The following ZNF708 variants were observed in gnomAD, a reference collection of about 807,000 sequenced individuals.
ZNF708 encodes the protein ZNF15, ZNF15L1.
ZNF708 carries 44 observed loss-of-function variants against 47.0 expected under a neutral mutation model. That is an observed-to-expected ratio of 0.94 (90% CI 0.74 to 1.20). The LOEUF (loss-of-function observed/expected upper bound fraction) is 1.20, where lower values mean the gene tolerates loss of function less well. Among genes scored for constraint, ZNF708 ranks in the 50% most tolerant of loss-of-function variants. The probability of loss-of-function intolerance (pLI) is 0.00; values close to 1 mark genes in which losing one functional copy is unlikely to be tolerated. For synonymous variants in ZNF708, 184 were observed against 218.5 expected (o/e 0.84, Z 1.39); for missense variants, 557 against 656.0 (o/e 0.85, Z 1.65).
intron 1 of ZNF708, 142 bp downstream of exon 1, chr19:21,329,068 G>T: frequency 7.8e-7 from 1 of 1,287,694 alleles, no homozygotes; most frequent in Non-Finnish European, 1.1e-6. Flanking sequence ...GGCTGAAGGG[G>T]ACTGAGGCCG....
At chr19:21,323,076 C>T (rs1973184682) in intron 1 of ZNF708, among the ~76,000 whole-genome samples, 1 of 151,920 alleles carries the variant, frequency 6.6e-6, no homozygotes, top group South Asian at 2.1e-4. Flanking sequence ...AAATGGCAGA[C>T]ATGTATAGAA....
intron 1 of ZNF708, among the ~76,000 whole-genome samples, chr19:21,323,202 C>G (rs1973187217): frequency 6.6e-6 from 1 of 152,188 alleles, no homozygotes; most frequent in Non-Finnish European, 1.5e-5. Context: ...AAACACCCTT[C>G]CCATTATGAC....
chr19:21,300,984 C>T (rs1363434097), intron 3 of ZNF708, among the ~76,000 whole-genome samples: 1 of 151,760 alleles, frequency 6.6e-6, no homozygotes, highest in Non-Finnish European at 1.5e-5. Flanking sequence ...ATAATACAAA[C>T]TCAAATATCA....
Position 21,329,303 on chromosome 19 carries a change from A to G in ZNF708, c.-91T>C, listed in dbSNP as rs907295363. 1.0e-4 allele frequency: 164 copies of G among 1,578,144 alleles called. No homozygotes were observed. The highest frequency in any genetic ancestry group is 1.3e-4 in the Non-Finnish European group (150 of 1,151,862). On this transcript the variant is annotated 5_prime_UTR_variant, in exon 1 of 4. Coordinates refer to ENST00000356929, the MANE Select transcript of ZNF708 (RefSeq NM_021269.3). Reference sequence around the variant, plus strand: ...CCACAGAGTCTGGGCCTCTAGGAGCAGAGGACAAACAGCAGTGAAGACGAG... The same window carrying G: ...CCACAGAGTCTGGGCCTCTAGGAGCGGAGGACAAACAGCAGTGAAGACGAG...
intron 3 of ZNF708, among the ~76,000 whole-genome samples, chr19:21,302,446 C>A (rs1454378633): frequency 6.6e-6 from 1 of 151,938 alleles, no homozygotes. Context: ...ATCTGTAATC[C>A]CAGTACTTTG....
At chr19:21,318,626 A>T (rs1020614625) in intron 1 of ZNF708, 4 of 152,200 alleles carry the variant, frequency 2.6e-5, no homozygotes, top group African/African-American at 4.8e-5. Context: ...GAATTTTATA[A>T]GGTTTCTCTT....
chr19:21,314,403 A>C (rs1013612346), intron 1 of ZNF708, among the ~76,000 whole-genome samples: 1 of 150,760 alleles, frequency 6.6e-6, no homozygotes, highest in Non-Finnish European at 1.5e-5. Flanking sequence ...ATTATTAGCA[A>C]GATAAAAGAA....
At position 21,309,341 on chromosome 19, in the gene ZNF708, C is replaced by A; in HGVS notation, c.131G>T (p.Gly44Val). ...CAGGTCTAAATTAGACACAGCAATACCTGTTTTATTAAAAATAAATAACGT... is the reference window on the plus strand; with the variant it reads ...CAGGTCTAAATTAGACACAGCAATAACTGTTTTATTAAAAATAAATAACGT... ...LENYRNLVFL[G>V]IAVSNLDLIT... Residue 44 changes from glycine to valine, a missense_variant and splice_region_variant, in exon 3 of 4, where the codon GGT (glycine) becomes GTT (valine). By Grantham distance (109) the Gly-to-Val change is moderately radical (BLOSUM62 -3). Coordinates refer to ENST00000356929, the MANE Select transcript of ZNF708 (RefSeq NM_021269.3). 1 of 1,576,630 alleles carries A rather than the reference C, an allele frequency of 6.3e-7. No homozygotes were observed. The highest frequency in any genetic ancestry group is 8.6e-7 in the Non-Finnish European group (1 of 1,163,830).
chr19:21,297,960 A>AGTGTGTGTGT (rs66590988), intron 3 of ZNF708, among the ~76,000 whole-genome samples: 2 of 149,848 alleles, frequency 1.3e-5, no homozygotes, highest in African/African-American at 4.9e-5. Context: ...ACAAATGACT[A>AGTGTGTGTGT]GTGTGTGTGT....
intron 3 of ZNF708, chr19:21,307,039 A>C (rs1044942108): frequency 1.3e-4 from 18 of 141,984 alleles, no homozygotes; most frequent in African/African-American, 4.5e-4. Flanking sequence ...ACATACATAA[A>C]ATAAAATAAA....
At chr19:21,326,550 T>G (rs1973259044) in intron 1 of ZNF708, among the ~76,000 whole-genome samples, 1 of 152,104 alleles carries the variant, frequency 6.6e-6, no homozygotes, top group African/African-American at 2.4e-5. Context: ...CTTTGGGGAT[T>G]TGAGGGGAAG....
At chr19:21,322,204 C>G (rs1311276293) in intron 1 of ZNF708, among the ~76,000 whole-genome samples, 1 of 152,092 alleles carries the variant, frequency 6.6e-6, no homozygotes, top group Non-Finnish European at 1.5e-5. Context: ...ACGTCAATGT[C>G]TAATGGGTAT....
At position 21,299,025 on chromosome 19, in the gene ZNF708, A is replaced by G. The variant is rs555461686; in HGVS notation, c.227-4286T>C. ...AACAGAACAAGAATGGTGTTTGAAA[A>G]GTGAGATGAAATGGGAATAATTGGT... On this transcript the variant is annotated intron_variant, in intron 3 of 3. Coordinates refer to ENST00000356929, the MANE Select transcript of ZNF708 (RefSeq NM_021269.3). Among the ~76,000 whole-genome samples the G allele has an allele frequency of 1.2e-4, 18 of 152,326 alleles. No individual in the cohort carries two copies. In the South Asian group the frequency reaches 3.5e-3, roughly 30 times the overall value.
At chr19:21,298,674 G>A (rs1427107581) in intron 3 of ZNF708, among the ~76,000 whole-genome samples, 4 of 151,534 alleles carry the variant, frequency 2.6e-5, no homozygotes, top group Non-Finnish European at 5.9e-5. Context: ...ACAATTTTGT[G>A]TGAATATAAA....
At chr19:21,316,066 C>G (rs1460424929) in intron 1 of ZNF708, among the ~76,000 whole-genome samples, 1 of 22,432 alleles carries the variant, frequency 4.5e-5, no homozygotes, top group Non-Finnish European at 1.1e-4. Flanking sequence ...TGAAACCTGT[C>G]TCAAAAAAAA....
chr19:21,293,725 T>G lies in ZNF708; in HGVS notation c.1241A>C (p.His414Pro), dbSNP rs768752452. The change falls in exon 4 of 4, where the codon CAT (histidine) becomes CCT (proline). Residue 414 changes from histidine (H) to proline (P), a missense_variant. His to Pro is a moderately conservative substitution (Grantham distance 77, BLOSUM62 -2). Coordinates refer to ENST00000356929, the MANE Select transcript of ZNF708 (RefSeq NM_021269.3). ...ACATTTGTAGGGTTTCTTTCCAGTA[T>G]GAATTACCTTATGATAAGTAAGAGT... ...SSTLTYHKVI[H>P]TGKKPYKCEE... is the part of the protein sequence containing the mutation. 3.1e-6 allele frequency: 5 copies of G among 1,613,392 alleles called. No individual in the cohort carries two copies. In the South Asian group the frequency reaches 5.5e-5, roughly 18 times the overall value.
intron 1 of ZNF708, among the ~76,000 whole-genome samples, chr19:21,327,366 C>G (rs1973281715): frequency 1.3e-5 from 2 of 152,032 alleles, no homozygotes; most frequent in African/African-American, 4.8e-5. Flanking sequence ...CCCATCTCTA[C>G]TAAAAATACA....
intron 3 of ZNF708, among the ~76,000 whole-genome samples, chr19:21,297,266 A>ATG (rs1972551265): frequency 6.7e-5 from 1 of 14,860 alleles, no homozygotes; most frequent in Non-Finnish European, 1.4e-4. Context: ...ATATATATAT[A>ATG]TATATTTTTT....
At chr19:21,303,639 A>T (rs535444520) in intron 3 of ZNF708, among the ~76,000 whole-genome samples, 1 of 152,092 alleles carries the variant, frequency 6.6e-6, no homozygotes, top group Admixed American at 6.6e-5. Context: ...AACTGGAAAA[A>T]AGCATACAAT....
Sources: gnomAD v4.1 joint callset for allele counts (sites outside exome capture counted in the v4.1 genomes callset) on GRCh38, gnomAD v4.1.1 for gene constraint, MANE v1.5 for transcripts, NCBI Gene and HGNC (gene_info 2026-07-23, HGNC 2026-07-21) for gene names.